PM20D2: variants seen among roughly 807,000 people sequenced by gnomAD.
The protein encoded by PM20D2 is xaa-Arg dipeptidase.
PM20D2 carries 33 observed loss-of-function variants against 42.9 expected under a neutral mutation model. The ratio of observed to expected loss-of-function variants is 0.77; its 90% CI spans 0.58 to 1.03. The LOEUF (loss-of-function observed/expected upper bound fraction) is 1.03, where lower values mean the gene tolerates loss of function less well. Among genes scored for constraint, PM20D2 ranks in the 50% least tolerant of loss-of-function variants. The pLI is 0.00. For synonymous variants in PM20D2, 250 were observed against 228.2 expected (o/e 1.10, Z -0.86); for missense variants, 548 against 557.0 (o/e 0.98, Z 0.16).
the PM20D2 span, among the ~76,000 whole-genome samples, chr6:89,130,597 T>C: frequency 5.3e-5 from 8 of 151,790 alleles, no homozygotes; most frequent in Non-Finnish European, 1.2e-4. Context: ...TTGATTTCTA[T>C]CCACATCCAT....
Position 89,154,724 on chromosome 6 carries a change from C to T in PM20D2, c.758-24C>T, listed in dbSNP as rs1266626524. 66 of 1,446,532 alleles carry T rather than the reference C, an allele frequency of 4.6e-5. No individual in the cohort carries two copies. The East Asian group carries it at 1.7e-3, about 36-fold the overall frequency. 89.6% of individuals were successfully genotyped at this position (1,446,532 alleles called of 1,614,324 possible). A position where few individuals can be genotyped will look rare whatever the true frequency, so the allele number is the denominator to read the frequency against. ...AAAGAAATGGTCACCAAGCTTAATT[C>T]TAGTAATTTGGTTCTTTTTATAGGT... On this transcript the variant is annotated intron_variant, in intron 3 of 6. Coordinates refer to ENST00000275072, the MANE Select transcript of PM20D2 (RefSeq NM_001010853.3).
chr6:89,105,017 T>C, the PM20D2 span: 3 of 1,223,746 alleles, frequency 2.5e-6, no homozygotes, highest in African/African-American at 3.0e-5. Context: ...GATCGCACAC[T>C]ACTGCACTCC....
chr6:89,124,380 T>G, the PM20D2 span, among the ~76,000 whole-genome samples: 2 of 152,350 alleles, frequency 1.3e-5, no homozygotes, highest in South Asian at 4.1e-4. Flanking sequence ...GTGAGTATCT[T>G]TAATTTTTGA....
rs3831213 is a variant in PM20D2 at position 89,158,471 on chromosome 6, G to GTT, written c.1048+17_1048+18dup. On this transcript the variant is annotated intron_variant, in intron 5 of 6. Transcript: ENST00000275072. ...TGAATGGCCCTTCAGGTAATTAAGT[G>GTT]TTTTTTTATATATTGAGCTATTTGA... 1.3e-5 allele frequency: 20 copies of GTT among 1,595,990 alleles called. No individual in the cohort carries two copies. In the Admixed American group the frequency reaches 1.5e-4, roughly 12 times the overall value.
At chr6:89,149,918 C>G (rs914788256) in intron 2 of PM20D2, among the ~76,000 whole-genome samples, 5 of 152,192 alleles carry the variant, frequency 3.3e-5, no homozygotes, top group African/African-American at 1.2e-4. Context: ...TCCGATTTGT[C>G]TGGTGCTGAA....
At chr6:89,130,418 T>C in the PM20D2 span, among the ~76,000 whole-genome samples, 3 of 151,680 alleles carry the variant, frequency 2.0e-5, no homozygotes, top group African/African-American at 7.3e-5. Flanking sequence ...TTATTTAAGG[T>C]AAAACATACA....
At position 89,164,571 on chromosome 6, in the gene PM20D2, T is replaced by C. The variant is rs1771348327; in HGVS notation, c.*2308T>C. 1 of 152,534 alleles carries C rather than the reference T, an allele frequency of 6.6e-6. No homozygotes were observed. Among genetic ancestry groups the C allele is most frequent in the South Asian group, 2.1e-4 (1 of 4,834 alleles). The allele number at this position is 152,534 out of a possible 1,614,324, so 9.4% of individuals were successfully genotyped here. A position where few individuals can be genotyped will look rare whatever the true frequency, so the allele number is the denominator to read the frequency against. ...AAAACAAGGCTTGCTTATTTGGTTT[T>C]GTCAAAGTTTTACGAAAATATATGA... On this transcript the variant is annotated 3_prime_UTR_variant, in exon 7 of 7. Coordinates refer to ENST00000275072, the MANE Select transcript of PM20D2 (RefSeq NM_001010853.3).
At chr6:89,127,547 C>G in the PM20D2 span, among the ~76,000 whole-genome samples, 1 of 152,138 alleles carries the variant, frequency 6.6e-6, no homozygotes, top group Non-Finnish European at 1.5e-5. Context: ...AGGCTAGTCT[C>G]AAACTCATGA....
At chr6:89,117,995 C>G in the PM20D2 span, 2 of 1,243,744 alleles carry the variant, frequency 1.6e-6, no homozygotes, top group Admixed American at 2.8e-5. Context: ...CGGCGCGACC[C>G]CCACCCCTCG....
chr6:89,150,638 C>G (rs1247040484), intron 2 of PM20D2, among the ~76,000 whole-genome samples: 1 of 138,542 alleles, frequency 7.2e-6, no homozygotes, highest in African/African-American at 2.7e-5. Context: ...ATCCCAGGTT[C>G]AAGTGATTCT....
At chr6:89,128,829 T>C in the PM20D2 span, among the ~76,000 whole-genome samples, 1 of 152,170 alleles carries the variant, frequency 6.6e-6, no homozygotes, top group Non-Finnish European at 1.5e-5. Context: ...TATGTTGAAA[T>C]ATTGGGGGCG....
chr6:89,097,697 A>G, the PM20D2 span: 1 of 152,192 alleles, frequency 6.6e-6, no homozygotes, highest in East Asian at 1.9e-4. Context: ...CAAAAATAAT[A>G]AGACTTGTTC....
the PM20D2 span, among the ~76,000 whole-genome samples, chr6:89,094,930 T>C: frequency 1.3e-5 from 2 of 152,136 alleles, no homozygotes; most frequent in African/African-American, 2.4e-5. Flanking sequence ...GAATTCTGAC[T>C]TCAAAATCTG....
intron 5 of PM20D2, among the ~76,000 whole-genome samples, chr6:89,159,793 A>G (rs1562261366): frequency 6.6e-6 from 1 of 152,136 alleles, no homozygotes; most frequent in Non-Finnish European, 1.5e-5. Flanking sequence ...CACTGAGAGG[A>G]GTTGTCCAGG....
chr6:89,112,447 C>CTTTT, the PM20D2 span, among the ~76,000 whole-genome samples: 2 of 128,870 alleles, frequency 1.6e-5, no homozygotes, highest in Non-Finnish European at 3.4e-5. Flanking sequence ...TCTTTTCTTT[C>CTTTT]TTTTTTTTTT....
At chr6:89,136,332 C>G in the PM20D2 span, among the ~76,000 whole-genome samples, 3 of 151,232 alleles carry the variant, frequency 2.0e-5, no homozygotes, top group African/African-American at 7.4e-5. Context: ...TATGTTAATA[C>G]GCAAAATATT....
At chr6:89,161,662 G>T in intron 5 of PM20D2, 121 bp from the exon 6 acceptor site, 2 of 736,010 alleles carry the variant, frequency 2.7e-6, no homozygotes, top group South Asian at 3.4e-5. Flanking sequence ...TGAGCATACG[G>T]ACAACTCTCC....
chr6:89,134,953 T>A, the PM20D2 span, among the ~76,000 whole-genome samples: 3 of 150,970 alleles, frequency 2.0e-5, no homozygotes, highest in South Asian at 4.1e-4. Context: ...GATCAGTCAC[T>A]GGGGTGGTTC....
At chr6:89,115,374 T>C in the PM20D2 span, among the ~76,000 whole-genome samples, 2 of 151,340 alleles carry the variant, frequency 1.3e-5, no homozygotes, top group African/African-American at 2.4e-5. Context: ...CCTCCACCTC[T>C]GGGGTTCAAG....
Sources: gnomAD v4.1 joint callset for allele counts (sites outside exome capture counted in the v4.1 genomes callset) on GRCh38, gnomAD v4.1.1 for gene constraint, MANE v1.5 for transcripts, NCBI Gene and HGNC (gene_info 2026-07-23, HGNC 2026-07-21) for gene names.